Variants in PDE8B observed in about 807,000 individuals in gnomAD.
The protein encoded by PDE8B is high affinity cAMP-specific and IBMX-insensitive 3',5'-cyclic phosphodiesterase 8B.
A neutral mutation model predicts 101.3 loss-of-function variants in PDE8B; 26 were observed. The ratio of observed to expected loss-of-function variants is 0.26; its 90% CI spans 0.19 to 0.36. The LOEUF is 0.36. Ranked by LOEUF, PDE8B falls within the 10% of genes least tolerant of loss-of-function variation. The pLI, the probability that PDE8B is intolerant of heterozygous loss-of-function variation, is 1.00. For missense variants in PDE8B, 810 were observed against 1,163.1 expected (o/e 0.70, Z 4.42); for synonymous variants, 424 against 429.3 (o/e 0.99, Z 0.15).
chr5:77,255,248 G>A (rs1025703674), intron 1 of PDE8B, among the ~76,000 whole-genome samples: 1 of 152,070 alleles, frequency 6.6e-6, no homozygotes, highest in Admixed American at 6.5e-5. Context: ...TTCTGGAAAG[G>A]TTTCTGCTGC....
chr5:77,157,879 C>T, the PDE8B span, among the ~76,000 whole-genome samples: 1 of 152,224 alleles, frequency 6.6e-6, no homozygotes, highest in Admixed American at 6.5e-5. Flanking sequence ...CAGCCCTGCT[C>T]TAGAGCATCC....
At chr5:77,367,530 C>CTTTTTT in intron 10 of PDE8B, among the ~76,000 whole-genome samples, 1 of 109,496 alleles carries the variant, frequency 9.1e-6, no homozygotes, top group Non-Finnish European at 1.9e-5. Flanking sequence ...CTTTTTCTCT[C>CTTTTTT]TTTTTTTTTT....
At position 77,335,755 on chromosome 5, in the gene PDE8B, A is replaced by G. The variant is rs1323106451; in HGVS notation, c.709-1472A>G. 2.0e-5 allele frequency among the ~76,000 whole-genome samples: 3 copies of G among 152,220 alleles called. No individual in the cohort carries two copies. The East Asian group carries it at 5.8e-4, about 29-fold the overall frequency. On this transcript the variant is annotated intron_variant, in intron 5 of 21. Coordinates refer to ENST00000264917, the MANE Select transcript of PDE8B (RefSeq NM_003719.5). ...TGGAATTCTGCTTATCTTTCTACTTAATAGTTTGCCAGCCATATGCTTAGA... is the reference window on the plus strand; with the variant it reads ...TGGAATTCTGCTTATCTTTCTACTTGATAGTTTGCCAGCCATATGCTTAGA...
chr5:77,208,049 T>C (rs1236540324), upstream of PDE8B, among the ~76,000 whole-genome samples: 1 of 152,232 alleles, frequency 6.6e-6, no homozygotes, highest in East Asian at 1.9e-4. Context: ...TCCTATTCAC[T>C]AGCTACCTTG....
chr5:77,208,552 G>A (rs1054554589), upstream of PDE8B, among the ~76,000 whole-genome samples: 1 of 152,200 alleles, frequency 6.6e-6, no homozygotes, highest in Non-Finnish European at 1.5e-5. Flanking sequence ...ATGAGGCTTA[G>A]TTTTAAATGA....
In PDE8B at chr5:77,308,342, C is replaced by A. The variant is rs77664472; in HGVS notation, c.340-3652C>A. On this transcript the variant is annotated intron_variant, in intron 1 of 21. Transcript: ENST00000264917. ...AGCTGGTAAACTGAGGCACCCACGC[C>A]GGTAGTGCAGGTAGAGTGACAACAC... Among the ~76,000 whole-genome samples, 372 of 152,210 alleles carry A rather than the reference C, an allele frequency of 2.4e-3. 2 individuals are homozygous for A. The highest frequency in any genetic ancestry group is 8.5e-3 in the African/African-American group (353 of 41,532).
chr5:77,122,765 G>A, the PDE8B span, among the ~76,000 whole-genome samples: 5 of 152,304 alleles, frequency 3.3e-5, no homozygotes, highest in South Asian at 1.0e-3. Context: ...TTTCAATCAT[G>A]AAGGAGTAAG....
chr5:77,229,672 C>G (rs1753149969), intron 1 of PDE8B, among the ~76,000 whole-genome samples: 1 of 152,130 alleles, frequency 6.6e-6, no homozygotes, highest in Non-Finnish European at 1.5e-5. Context: ...GTGGACATTT[C>G]CTATAGATGG....
intron 2 of PDE8B, among the ~76,000 whole-genome samples, chr5:77,318,599 A>T (rs962132266): frequency 1.3e-5 from 2 of 152,306 alleles, no homozygotes; most frequent in Middle Eastern, 3.4e-3. Context: ...TTTCTAGTGC[A>T]TTCAGTATAG....
intron 19 of PDE8B, 23 bp from the exon 20 acceptor site, chr5:77,421,798 T>C (rs1433991195): frequency 1.9e-6 from 3 of 1,612,780 alleles, no homozygotes; most frequent in East Asian, 4.5e-5. Flanking sequence ...GAACCAAGCC[T>C]GATCTGACCA....
intron 11 of PDE8B, 56 bp downstream of exon 11, chr5:77,400,346 T>G: frequency 9.2e-7 from 1 of 1,091,088 alleles, no homozygotes; most frequent in East Asian, 2.4e-5. Context: ...TGGGTTCAAA[T>G]GTATACATTT....
chr5:77,152,725 C>T, the PDE8B span, among the ~76,000 whole-genome samples: 1 of 152,186 alleles, frequency 6.6e-6, no homozygotes. Flanking sequence ...GCTCACTGAT[C>T]CCCTTCACAG....
At chr5:77,348,641 G>A (rs1780556620) in intron 7 of PDE8B, among the ~76,000 whole-genome samples, 2 of 152,178 alleles carry the variant, frequency 1.3e-5, no homozygotes, top group Non-Finnish European at 2.9e-5. Context: ...GTGGAGATGT[G>A]CATAATACAA....
At chr5:77,151,802 GT>G in the PDE8B span, 1 of 152,192 alleles carries the variant, frequency 6.6e-6, no homozygotes, top group African/African-American at 2.4e-5. Context: ...GACTGGTTTG[GT>G]ATTATCCATG....
chr5:77,393,776 G>C (rs1243384170), intron 10 of PDE8B, among the ~76,000 whole-genome samples: 1 of 152,196 alleles, frequency 6.6e-6, no homozygotes, highest in African/African-American at 2.4e-5. Context: ...TATACCTGTA[G>C]AAATTCCTCT....
At chr5:77,373,851 A>AT (rs1343960550) in intron 10 of PDE8B, among the ~76,000 whole-genome samples, 1 of 151,812 alleles carries the variant, frequency 6.6e-6, no homozygotes, top group East Asian at 1.9e-4. Flanking sequence ...TGGTGATACT[A>AT]TTTTTTCGTT....
rs1323787004 is a variant in PDE8B, at chr5:77,216,839, G to C, written c.339+5575G>C. Among the ~76,000 whole-genome samples, 3 of 152,212 alleles carry C rather than the reference G, an allele frequency of 2.0e-5. No individual in the cohort carries two copies. The East Asian group carries it at 5.8e-4, about 29-fold the overall frequency. ...GGAATCTGTTGATTGGGGTTTTCCAGGGTGCTGAGCAGGGTGGAGAGTGGG... is the reference window on the plus strand; with the variant it reads ...GGAATCTGTTGATTGGGGTTTTCCACGGTGCTGAGCAGGGTGGAGAGTGGG... On this transcript the variant is annotated intron_variant, in intron 1 of 21. Coordinates refer to ENST00000264917, the MANE Select transcript of PDE8B (RefSeq NM_003719.5).
chr5:77,361,541 G>T (rs1316748902), intron 10 of PDE8B, among the ~76,000 whole-genome samples: 2 of 146,304 alleles, frequency 1.4e-5, no homozygotes, highest in African/African-American at 2.5e-5. Context: ...TTGACATGGA[G>T]TCTCGCTCTA....
At chr5:77,298,114 C>T (rs1488078249) in intron 1 of PDE8B, among the ~76,000 whole-genome samples, 1 of 152,194 alleles carries the variant, frequency 6.6e-6, no homozygotes, top group Non-Finnish European at 1.5e-5. Flanking sequence ...ATTGGTGCTA[C>T]TCTTGAGTAT....
Sources: gnomAD v4.1 joint callset for allele counts (sites outside exome capture counted in the v4.1 genomes callset) on GRCh38, gnomAD v4.1.1 for gene constraint, MANE v1.5 for transcripts, NCBI Gene and HGNC (gene_info 2026-07-23, HGNC 2026-07-21) for gene names.